VRK2: variants seen among roughly 807,000 people sequenced by gnomAD.
VRK2 encodes serine/threonine-protein kinase VRK2.
In VRK2, 60 loss-of-function variants were observed where a neutral mutation model predicts 57.6. The ratio of observed to expected loss-of-function variants is 1.04; its 90% CI spans 0.85 to 1.29. VRK2 has a LOEUF of 1.29. VRK2 is among the 50% of genes most tolerant of loss of function. The probability of loss-of-function intolerance (pLI) is 0.00; values close to 1 mark genes in which losing one functional copy is unlikely to be tolerated. For missense variants in VRK2, 705 were observed against 588.1 expected (o/e 1.20, Z -2.06); for synonymous variants, 231 against 199.2 (o/e 1.16, Z -1.35).
At chr2:58,096,591 A>G (rs13405281) in intron 7 of VRK2, among the ~76,000 whole-genome samples, 9,363 of 151,622 alleles carry the variant, frequency 0.062, 971 homozygotes, top group African/African-American at 0.21. Flanking sequence ...TTTAAACTTT[A>G]TTTTGCTTTC....
chr2:57,961,436 A>G (rs1671755207), intron 1 of VRK2, among the ~76,000 whole-genome samples: 1 of 152,230 alleles, frequency 6.6e-6, no homozygotes. Flanking sequence ...CAGATATAGT[A>G]AGATAAAATA....
chr2:57,985,173 T>A (rs1572937580), intron 1 of VRK2, among the ~76,000 whole-genome samples: 3 of 152,194 alleles, frequency 2.0e-5, no homozygotes, highest in African/African-American at 7.2e-5. Context: ...AAATTTTGAA[T>A]TATATTAATA....
rs564555327 is a variant in VRK2, at chr2:58,139,543, T to C, written c.857-123T>C. On this transcript the variant is annotated intron_variant, in intron 10 of 12. Coordinates refer to ENST00000340157, the MANE Select transcript of VRK2 (RefSeq NM_006296.7). Reference sequence around the variant, plus strand: ...AAGTTATTTTCATTGAATTGTTCATTTTTAGTTTCTTCAGGAGATGTAAAT... The same window carrying C: ...AAGTTATTTTCATTGAATTGTTCATCTTTAGTTTCTTCAGGAGATGTAAAT... The C allele has an allele frequency of 2.9e-4, 234 of 796,054 alleles. 1 individual carries two copies. In the African/African-American group the frequency reaches 3.7e-3, roughly 13 times the overall value. The allele number at this position is 796,054 out of a possible 1,614,324, so 49.3% of individuals were successfully genotyped here. A position where few individuals can be genotyped will look rare whatever the true frequency, so the allele number is the denominator to read the frequency against.
Position 57,961,210 on chromosome 2 carries a change from G to A in VRK2, c.-439+53371G>A, listed in dbSNP as rs565433689. ...CATTATCATTAGCATAGCCAGGATG[G>A]TTTCTCTAAAAAGGTGACATATGAA... On this transcript the variant is annotated intron_variant, in intron 1 of 15. Coordinates refer to the VRK2 transcript ENST00000417641. Among the ~76,000 whole-genome samples the A allele has an allele frequency of 8.5e-5, 13 of 152,304 alleles. No homozygotes were observed. The East Asian group carries it at 2.5e-3, about 29-fold the overall frequency.
intron 7 of VRK2, among the ~76,000 whole-genome samples, chr2:58,092,171 G>C (rs1011020331): frequency 2.0e-5 from 3 of 152,022 alleles, no homozygotes; most frequent in African/African-American, 7.2e-5. Flanking sequence ...TCTCATTCCT[G>C]TTTAGAGTCA....
chr2:58,128,202 C>T (rs969540876), intron 8 of VRK2, among the ~76,000 whole-genome samples: 1 of 152,128 alleles, frequency 6.6e-6, no homozygotes, highest in African/African-American at 2.4e-5. Flanking sequence ...CTTGCCAAAA[C>T]AACTATTTTT....
At chr2:58,043,681 T>C (rs912738398), upstream of VRK2, among the ~76,000 whole-genome samples, 2 of 152,234 alleles carry the variant, frequency 1.3e-5, no homozygotes, top group African/African-American at 4.8e-5. Context: ...CTATCACATA[T>C]GAAGCTGCTC....
At chr2:57,953,005 G>A (rs1397474363) in intron 1 of VRK2, among the ~76,000 whole-genome samples, 1 of 152,146 alleles carries the variant, frequency 6.6e-6, no homozygotes, top group Non-Finnish European at 1.5e-5. Context: ...ATTCCCCAAG[G>A]ACAGAGTGAT....
chr2:58,158,558 T>C (rs1296015259), intron 12 of VRK2, among the ~76,000 whole-genome samples: 6 of 152,072 alleles, frequency 3.9e-5, no homozygotes, highest in Non-Finnish European at 7.4e-5. Context: ...GTATTTTGCT[T>C]TGTTTTATAA....
chr2:58,060,104 G>T (rs951862142), intron 2 of VRK2, among the ~76,000 whole-genome samples: 4 of 151,506 alleles, frequency 2.6e-5, no homozygotes, highest in Non-Finnish European at 1.5e-5. Flanking sequence ...GATAGTAGAA[G>T]AAAAAGTAGT....
chr2:58,083,975 A>G, intron 2 of VRK2, 114 bp from the exon 3 acceptor site: 2 of 1,100,718 alleles, frequency 1.8e-6, no homozygotes, highest in Non-Finnish European at 2.5e-6. Context: ...GGTTGTTGGG[A>G]TGACATAATA....
intron 1 of VRK2, among the ~76,000 whole-genome samples, chr2:57,927,279 CTTT>C (rs200017573): frequency 7.3e-6 from 1 of 137,046 alleles, no homozygotes; most frequent in Non-Finnish European, 1.6e-5. Context: ...ATATTTTAGT[CTTT>C]TTTTTTTTTT....
intron 10 of VRK2, among the ~76,000 whole-genome samples, chr2:58,137,989 G>T (rs1165000259): frequency 6.6e-6 from 1 of 151,990 alleles, no homozygotes; most frequent in Non-Finnish European, 1.5e-5. Context: ...TACCTCACTG[G>T]TACCTCATTT....
At chr2:58,095,293 C>CAA (rs1231159019) in intron 7 of VRK2, among the ~76,000 whole-genome samples, 26 of 66,610 alleles carry the variant, frequency 3.9e-4, no homozygotes, top group African/African-American at 7.0e-4. Flanking sequence ...GACTCCGTCT[C>CAA]AAAAAAAAAA....
At position 58,129,525 on chromosome 2, in the gene VRK2, A is replaced by T. The variant is rs180955244; in HGVS notation, c.677-2283A>T. Among the ~76,000 whole-genome samples the T allele has an allele frequency of 6.7e-3, 1,018 of 152,286 alleles. 11 individuals are homozygous for T. Among genetic ancestry groups the T allele is most frequent in the African/African-American group, 0.022 (929 of 41,558 alleles). On this transcript the variant is annotated intron_variant, in intron 8 of 12. Transcript: ENST00000340157. ...GAAGCAACTTTCAAATTAAAAAAAA[A>T]TTTTTATAGTTAGACATTAATAGTC... is the stretch of plus-strand genomic sequence containing the variant.
Position 58,046,869 on chromosome 2 carries a change from G to C in VRK2, c.-6+1G>C, listed in dbSNP as rs908923884. 1.3e-5 allele frequency: 13 copies of C among 985,454 alleles called. No individual in the cohort carries two copies. The highest frequency in any genetic ancestry group is 1.6e-5 in the Non-Finnish European group (13 of 829,922). The allele number at this position is 985,454 out of a possible 1,614,324, so 61.0% of individuals were successfully genotyped here. A position where few individuals can be genotyped will look rare whatever the true frequency, so the allele number is the denominator to read the frequency against. The stretch of plus-strand genomic sequence containing the variant: ...CGGCGACGGGGGATCCTGAGGCCCG[G>C]TCAGTCTCTTGCTCTGGGGTCTTGG... On this transcript the variant is annotated splice_donor_variant, in intron 1 of 12. Coordinates refer to ENST00000340157, the MANE Select transcript of VRK2 (RefSeq NM_006296.7). LOFTEE classifies it low-confidence loss of function (5UTR_SPLICE).
chr2:58,058,658 GT>G (rs1676888998), intron 2 of VRK2, among the ~76,000 whole-genome samples: 1 of 151,952 alleles, frequency 6.6e-6, no homozygotes, highest in South Asian at 2.1e-4. Context: ...GCTGGGACTA[GT>G]TTTTGAATTC....
At chr2:57,986,106 T>G (rs1420764882) in intron 1 of VRK2, among the ~76,000 whole-genome samples, 1 of 152,172 alleles carries the variant, frequency 6.6e-6, no homozygotes, top group Non-Finnish European at 1.5e-5. Flanking sequence ...ATGGAAATTT[T>G]ACCCTGTGAG....
intron 7 of VRK2, among the ~76,000 whole-genome samples, chr2:58,102,337 A>G (rs77164396): frequency 0.025 from 3,828 of 151,512 alleles, 159 homozygotes; most frequent in African/African-American, 0.088. Context: ...TGAACCAACT[A>G]TATACTAGTT....
Sources: allele counts gnomAD v4.1 joint callset (sites outside exome capture counted in the v4.1 genomes callset), GRCh38; gene constraint gnomAD v4.1.1; transcripts MANE v1.5; gene names NCBI Gene and HGNC (gene_info 2026-07-23, HGNC 2026-07-21).